PAFAH2: variants seen among roughly 807,000 people sequenced by gnomAD.
PAFAH2 encodes the protein platelet activating factor acetylhydrolase 2.
Under a neutral mutation model 49.0 loss-of-function variants are expected in PAFAH2, and 42 were observed. That is an observed-to-expected ratio of 0.86 (90% CI 0.67 to 1.11). The LOEUF is 1.11. PAFAH2 is among the 50% of genes least tolerant of loss of function. The pLI is 0.00. For missense variants in PAFAH2, 503 were observed against 501.8 expected, an observed-to-expected ratio of 1.00 and a Z score of -0.02; for synonymous variants, 184 against 181.3, an observed-to-expected ratio of 1.01 and a Z score of -0.12.
At chr1:25,976,531 C>G in intron 8 of PAFAH2, 151 bp downstream of exon 8, 2 of 600,158 alleles carry the variant, frequency 3.3e-6, no homozygotes, top group Non-Finnish European at 5.9e-6. Context: ...ATAATATAAT[C>G]CCATGAAATC....
chr1:25,984,224 T>C, intron 5 of PAFAH2, 137 bp from the exon 6 acceptor site: 2 of 1,007,012 alleles, frequency 2.0e-6, no homozygotes, highest in South Asian at 1.5e-5. Context: ...GGGGCATGCA[T>C]AGGGAAGTGG....
intron 7 of PAFAH2, among the ~76,000 whole-genome samples, chr1:25,980,413 C>T (rs938686497): frequency 1.3e-5 from 2 of 151,604 alleles, no homozygotes; most frequent in Admixed American, 1.3e-4. Context: ...ACCTCCGCCT[C>T]TTGGGTTCAA....
intron 10 of PAFAH2, among the ~76,000 whole-genome samples, chr1:25,964,912 A>G (rs1481521225): frequency 6.6e-6 from 1 of 152,222 alleles, no homozygotes; most frequent in Non-Finnish European, 1.5e-5. Context: ...AATTAGAAAA[A>G]AAGTCCTCAA....
In PAFAH2 at chr1:25,974,593, C is replaced by A. The variant is rs752690405; in HGVS notation, c.816G>T (p.Lys272Asn). ...TGATAAAGAACACAGGTCCTCGGGC[C>A]TTGGGGTAAAAGTCACGTTCCAGAG... Reference protein sequence around the residue: ...MFPLERDFYPKARGPVFFINT... With the variant: ...MFPLERDFYPNARGPVFFINT... Residue 272 changes from lysine to asparagine, a missense_variant, in exon 9 of 11, where the codon AAG becomes AAT. Lys to Asn is a moderately conservative substitution (Grantham distance 94, BLOSUM62 0). Transcript: ENST00000374282. 8.1e-6 allele frequency: 13 copies of A among 1,613,996 alleles called. No individual in the cohort carries two copies. The South Asian group carries it at 1.4e-4, about 18-fold the overall frequency.
chr1:25,996,383 T>C (rs1259339806), intron 1 of PAFAH2, among the ~76,000 whole-genome samples: 1 of 151,076 alleles, frequency 6.6e-6, no homozygotes, highest in Non-Finnish European at 1.5e-5. Context: ...ATAGTAACTA[T>C]GGGCCGGGCG....
Position 25,976,740 on chromosome 1 carries a change from C to T in PAFAH2, c.700G>A (p.Gly234Arg). ...NIDMSRVAVM[G>R]HSFGGATAIL... is the part of the protein sequence containing the mutation. ...GCTGTGGCCCCTCCAAATGAATGTCCCATCACAGCCACACGGCTCATGTCA... is the reference window on the plus strand; with the variant it reads ...GCTGTGGCCCCTCCAAATGAATGTCTCATCACAGCCACACGGCTCATGTCA... Residue 234 changes from glycine (G) to arginine (R), a missense_variant, in exon 8 of 11, where the codon GGA (glycine) becomes AGA (arginine). Gly to Arg is a moderately radical substitution (Grantham distance 125). Coordinates refer to ENST00000374282, the MANE Select transcript of PAFAH2 (RefSeq NM_000437.4). 1 of 1,614,198 alleles carries T rather than the reference C, an allele frequency of 6.2e-7. No individual in the cohort carries two copies. Among genetic ancestry groups the T allele is most frequent in the African/African-American group, 1.3e-5 (1 of 75,046 alleles).
intron 1 of PAFAH2, among the ~76,000 whole-genome samples, chr1:25,991,372 C>G (rs925643802): frequency 3.9e-5 from 6 of 152,048 alleles, no homozygotes; most frequent in Non-Finnish European, 7.4e-5. Context: ...CTCCGACTCC[C>G]TGGTTCAAGC....
At chr1:25,989,641 C>T in intron 2 of PAFAH2, 40 bp from the exon 3 acceptor site, 3 of 1,415,528 alleles carry the variant, frequency 2.1e-6, no homozygotes, top group South Asian at 3.1e-5. Context: ...AGCAAGGAGC[C>T]CAGGCTAGAT....
chr1:25,982,541 C>T, intron 6 of PAFAH2, 64 bp from the exon 7 acceptor site: 3 of 1,259,624 alleles, frequency 2.4e-6, no homozygotes, highest in Non-Finnish European at 3.5e-6. Flanking sequence ...GAATCTCCCT[C>T]ACGTACAGAG....
At chr1:25,971,896 T>C (rs1227989173) in intron 10 of PAFAH2, among the ~76,000 whole-genome samples, 2 of 152,120 alleles carry the variant, frequency 1.3e-5, no homozygotes, top group African/African-American at 4.8e-5. Flanking sequence ...GTTATCCTCA[T>C]AAACTCCCCT....
At chr1:25,987,336 TG>T (rs2049797598) in intron 4 of PAFAH2, among the ~76,000 whole-genome samples, 2 of 152,096 alleles carry the variant, frequency 1.3e-5, no homozygotes, top group African/African-American at 2.4e-5. Context: ...GTTTGGGGGC[TG>T]AGAGGCAAAA....
At chr1:25,991,631 G>A (rs1431272387) in intron 1 of PAFAH2, among the ~76,000 whole-genome samples, 9 of 147,034 alleles carry the variant, frequency 6.1e-5, no homozygotes, top group African/African-American at 2.2e-4. Flanking sequence ...GGTGGCTCAC[G>A]CCTGTAATCC....
chr1:25,981,468 G>C (rs2049687478), intron 7 of PAFAH2, among the ~76,000 whole-genome samples: 2 of 152,028 alleles, frequency 1.3e-5, no homozygotes, highest in Admixed American at 1.3e-4. Flanking sequence ...AGGGTTCTTG[G>C]GATTCCCTCA....
chr1:25,963,648 C>T (rs1374348619), intron 10 of PAFAH2, among the ~76,000 whole-genome samples: 1 of 152,172 alleles, frequency 6.6e-6, no homozygotes. Flanking sequence ...GGACTACAGG[C>T]ATGCACCACC....
At position 25,960,469 on chromosome 1, in the gene PAFAH2, G is replaced by A. The variant is rs1389060208; in HGVS notation, c.*1520C>T. 6.6e-6 allele frequency: 1 copy of A among 152,640 alleles called. No homozygotes were observed. Among genetic ancestry groups the A allele is most frequent in the African/African-American group, 2.4e-5 (1 of 41,454 alleles). 9.5% of individuals were successfully genotyped at this position (152,640 alleles called of 1,614,324 possible). On this transcript the variant is annotated 3_prime_UTR_variant, in exon 11 of 11. Transcript: ENST00000374282. ...TTTCCCACATGGGCCCAAGTAGTAAGCGAACACAGAAGAAAGACAGAAGGA... is the reference window on the plus strand; with the variant it reads ...TTTCCCACATGGGCCCAAGTAGTAAACGAACACAGAAGAAAGACAGAAGGA...
At chr1:25,983,258 C>T (rs1336356300) in intron 6 of PAFAH2, among the ~76,000 whole-genome samples, 1 of 151,974 alleles carries the variant, frequency 6.6e-6, no homozygotes, top group African/African-American at 2.4e-5. Context: ...GTGGTGTGTG[C>T]CTGTAGTCCC....
chr1:25,967,626 T>C (rs2049446657), intron 10 of PAFAH2, among the ~76,000 whole-genome samples: 2 of 152,154 alleles, frequency 1.3e-5, no homozygotes, highest in Non-Finnish European at 2.9e-5. Context: ...TGAAGGTCAC[T>C]GGGCACCCTG....
intron 7 of PAFAH2, among the ~76,000 whole-genome samples, chr1:25,980,497 C>T (rs1033102137): frequency 3.3e-5 from 5 of 150,854 alleles, no homozygotes; most frequent in Middle Eastern, 3.2e-3. Context: ...TTAGTAGAGA[C>T]GGGGTTTCGC....
intron 6 of PAFAH2, 135 bp from the exon 7 acceptor site, chr1:25,982,612 T>C (rs975668964): frequency 4.6e-6 from 3 of 646,642 alleles, no homozygotes; most frequent in South Asian, 1.8e-5. Context: ...TTGGGTGCCA[T>C]GTCCTGAGAA....
Sources: allele counts gnomAD v4.1 joint callset (sites outside exome capture counted in the v4.1 genomes callset), GRCh38; gene constraint gnomAD v4.1.1; transcripts MANE v1.5; gene names NCBI Gene and HGNC (gene_info 2026-07-23, HGNC 2026-07-21).